GMDS: variants seen among roughly 807,000 people sequenced by gnomAD.
GMDS encodes GDP-mannose 4,6-dehydratase.
In GMDS, 20 loss-of-function variants were observed where a neutral mutation model predicts 49.9. The ratio of observed to expected loss-of-function variants is 0.40; its 90% confidence interval spans 0.28 to 0.58. The LOEUF (loss-of-function observed/expected upper bound fraction) is 0.58. Among genes scored for constraint, GMDS ranks in the 20% least tolerant of loss-of-function variants. The pLI, the probability that GMDS is intolerant of heterozygous loss-of-function variation, is 0.42. For synonymous variants in GMDS, 177 were observed against 178.6 expected (o/e 0.99, Z 0.07); for missense variants, 362 against 481.4 (o/e 0.75, Z 2.32).
chr6:1,712,362 G>A (rs538442468), intron 9 of GMDS, among the ~76,000 whole-genome samples: 2 of 152,330 alleles, frequency 1.3e-5, no homozygotes, highest in South Asian at 2.1e-4. Flanking sequence ...CTGAGATGAC[G>A]TGTAAAGTAG....
chr6:1,691,130 C>T (rs915747000), intron 9 of GMDS, among the ~76,000 whole-genome samples: 1 of 152,112 alleles, frequency 6.6e-6, no homozygotes, highest in African/African-American at 2.4e-5. Context: ...CAATGATAGA[C>T]TGGATAAAGA....
chr6:2,230,149 A>C (rs1781019434), intron 1 of GMDS, among the ~76,000 whole-genome samples: 1 of 151,926 alleles, frequency 6.6e-6, no homozygotes, highest in Admixed American at 6.6e-5. Flanking sequence ...CCACAGGATT[A>C]ATTCCTGAAA....
rs754401266 is a variant in GMDS at position 1,878,464 on chromosome 6, G to C, written c.771+51639C>G. ...TCAGAAATGCTGACAACCAAAGGGG[G>C]ATTCTTGGCTCTACGGATGTGCCCA... is the stretch of plus-strand genomic sequence containing the variant. On this transcript the variant is annotated intron_variant, in intron 7 of 10. Transcript: ENST00000380815. 1.1e-4 allele frequency among the ~76,000 whole-genome samples: 16 copies of C among 152,112 alleles called. 1 individual carries two copies. The highest frequency in any genetic ancestry group is 2.4e-4 in the Non-Finnish European group (16 of 68,034).
intron 7 of GMDS, among the ~76,000 whole-genome samples, chr6:1,804,309 C>A (rs941410657): frequency 6.6e-6 from 1 of 152,256 alleles, no homozygotes; most frequent in Non-Finnish European, 1.5e-5. Flanking sequence ...CAGCTTGGTT[C>A]TAAAGAGGCC....
At chr6:1,754,544 CCTGA>C (rs1414056119) in intron 7 of GMDS, among the ~76,000 whole-genome samples, 2 of 152,154 alleles carry the variant, frequency 1.3e-5, no homozygotes, top group African/African-American at 4.8e-5. Context: ...CCAGCATCAT[CCTGA>C]TACCAAAACT....
rs775719536 is a variant in GMDS, at chr6:1,833,934, T to C, written c.772-91348A>G. On this transcript the variant is annotated intron_variant, in intron 7 of 10. Coordinates refer to ENST00000380815, the MANE Select transcript of GMDS (RefSeq NM_001500.4). This position sits in a 1 kb window ranked among gnomAD's most constrained non-coding sequence, Gnocchi z 4.4. Reference sequence around the variant, plus strand: ...CAATGCATATATCGCATCAAATCCATAGAACAACTCTAATATTCTTACTCA... The same window carrying C: ...CAATGCATATATCGCATCAAATCCACAGAACAACTCTAATATTCTTACTCA... Among the ~76,000 whole-genome samples, 7 of 152,190 alleles carry C rather than the reference T, an allele frequency of 4.6e-5. No individual in the cohort carries two copies. The highest frequency in any genetic ancestry group is 2.6e-4 in the Admixed American group (4 of 15,274).
At chr6:1,687,138 T>C (rs887656059) in intron 9 of GMDS, among the ~76,000 whole-genome samples, 1 of 152,176 alleles carries the variant, frequency 6.6e-6, no homozygotes, top group Non-Finnish European at 1.5e-5. Flanking sequence ...GCCCCAGAGA[T>C]GTCCTTACCT....
intron 4 of GMDS, among the ~76,000 whole-genome samples, chr6:1,976,925 T>C (rs1437210285): frequency 6.6e-6 from 1 of 152,232 alleles, no homozygotes; most frequent in Non-Finnish European, 1.5e-5. Flanking sequence ...TTGCTCATGA[T>C]TATTCTACTA....
At chr6:2,219,295 TAG>T (rs779925979) in intron 1 of GMDS, among the ~76,000 whole-genome samples, 1 of 152,098 alleles carries the variant, frequency 6.6e-6, no homozygotes, top group African/African-American at 2.4e-5. Context: ...AGCCAGATGA[TAG>T]AGAGGGTAGA....
intron 1 of GMDS, among the ~76,000 whole-genome samples, chr6:2,220,844 C>T (rs1446983784): frequency 6.6e-6 from 1 of 152,014 alleles, no homozygotes; most frequent in Non-Finnish European, 1.5e-5. Flanking sequence ...CTTGTATGTC[C>T]CTGTTTGATA....
At chr6:2,186,086 A>G (rs1269961142) in intron 1 of GMDS, among the ~76,000 whole-genome samples, 1 of 152,232 alleles carries the variant, frequency 6.6e-6, no homozygotes, top group Non-Finnish European at 1.5e-5. Context: ...ACTGTAGTGA[A>G]CAGAGTTGCC....
chr6:1,895,746 C>T (rs1162545178), intron 7 of GMDS, among the ~76,000 whole-genome samples: 2 of 152,088 alleles, frequency 1.3e-5, no homozygotes, highest in East Asian at 3.9e-4. Flanking sequence ...AGTATCCTGC[C>T]CAATAGGTTT....
chr6:1,997,064 C>T (rs1277422567), intron 4 of GMDS, among the ~76,000 whole-genome samples: 1 of 151,786 alleles, frequency 6.6e-6, no homozygotes, highest in South Asian at 2.1e-4. Context: ...GATTCTCAGC[C>T]CCCTCCTTCT....
chr6:1,913,101 G>T (rs965700753), intron 7 of GMDS, among the ~76,000 whole-genome samples: 9 of 151,906 alleles, frequency 5.9e-5, no homozygotes, highest in African/African-American at 2.2e-4. Context: ...TTGCATGTGG[G>T]CCAGGCGCGG....
At chr6:2,066,718 C>T (rs1161642008) in intron 4 of GMDS, among the ~76,000 whole-genome samples, 1 of 152,158 alleles carries the variant, frequency 6.6e-6, no homozygotes, top group Non-Finnish European at 1.5e-5. Context: ...AGCTAACTAT[C>T]CTAAATATAT....
chr6:1,725,004 A>C (rs1766523215), intron 9 of GMDS, among the ~76,000 whole-genome samples: 1 of 152,208 alleles, frequency 6.6e-6, no homozygotes, highest in Admixed American at 6.5e-5. Flanking sequence ...TGTCTGAAAC[A>C]AGACATTTTA....
intron 9 of GMDS, among the ~76,000 whole-genome samples, chr6:1,698,182 G>T (rs1263208736): frequency 6.6e-6 from 1 of 152,208 alleles, no homozygotes; most frequent in Admixed American, 6.5e-5. Context: ...GGAGATTAAA[G>T]CCCTGGCAAG....
intron 7 of GMDS, among the ~76,000 whole-genome samples, chr6:1,851,535 A>T (rs1757670834): frequency 6.6e-6 from 1 of 152,134 alleles, no homozygotes; most frequent in South Asian, 2.1e-4. Context: ...TTGAAAACAC[A>T]CATACTGTAT....
At chr6:1,764,747 G>C (rs1016033711) in intron 7 of GMDS, among the ~76,000 whole-genome samples, 130 of 152,270 alleles carry the variant, frequency 8.5e-4, no homozygotes, top group African/African-American at 3.0e-3. Context: ...TGAAAGATGA[G>C]TTTTAGAACT....
Sources: gnomAD v4.1 joint callset for allele counts (sites outside exome capture counted in the v4.1 genomes callset) on GRCh38, gnomAD v4.1.1 for gene constraint, Gnocchi (gnomAD v3.1) non-coding constraint, MANE v1.5 for transcripts, NCBI Gene and HGNC (gene_info 2026-07-23, HGNC 2026-07-21) for gene names.